ASTN1: variants seen among roughly 807,000 people sequenced by gnomAD.
ASTN1 encodes astrotactin-1.
In ASTN1, 41 loss-of-function variants were observed where a neutral mutation model predicts 140.7. The ratio of observed to expected loss-of-function variants is 0.29; its 90% CI spans 0.23 to 0.38. The LOEUF (loss-of-function observed/expected upper bound fraction) is 0.38, where lower values mean the gene tolerates loss of function less well. ASTN1 is among the 10% of genes least tolerant of loss of function. The pLI is 1.00. For synonymous variants in ASTN1, 640 were observed against 652.2 expected, an observed-to-expected ratio of 0.98 and a Z score of 0.29; for missense variants, 1,479 against 1,678.8, an observed-to-expected ratio of 0.88 and a Z score of 2.08.
At position 176,862,604 on chromosome 1, in the gene ASTN1, A is replaced by C; in HGVS notation, c.*1680T>G. On this transcript the variant is annotated 3_prime_UTR_variant, in exon 23 of 23. Coordinates refer to ENST00000361833, the MANE Select transcript of ASTN1 (RefSeq NM_004319.3). Reference sequence around the variant, plus strand: ...GTAGCTAAGATCCTGTGCCCTGGAGACCAACAGCCTGAAATCACACTGAAA... The same window carrying C: ...GTAGCTAAGATCCTGTGCCCTGGAGCCCAACAGCCTGAAATCACACTGAAA... The C allele has an allele frequency of 1.0e-6, 1 of 981,680 alleles. No individual in the cohort carries two copies. The highest frequency in any genetic ancestry group is 1.2e-6 in the Non-Finnish European group (1 of 826,590). 60.8% of individuals were successfully genotyped at this position (981,680 alleles called of 1,614,324 possible). A position where few individuals can be genotyped will look rare whatever the true frequency, so the allele number is the denominator to read the frequency against.
At chr1:176,886,876 T>C (rs1669051312) in intron 18 of ASTN1, among the ~76,000 whole-genome samples, 1 of 152,214 alleles carries the variant, frequency 6.6e-6, no homozygotes, top group Admixed American at 6.5e-5. Context: ...CTCTTCCAGC[T>C]TGTCATGCCA....
At chr1:176,887,207 C>A (rs1362889650) in intron 18 of ASTN1, among the ~76,000 whole-genome samples, 1 of 152,170 alleles carries the variant, frequency 6.6e-6, no homozygotes, top group Non-Finnish European at 1.5e-5. Flanking sequence ...GAAATCTCAT[C>A]TCTAGTATTT....
chr1:177,106,919 G>A (rs1179233552), intron 1 of ASTN1, among the ~76,000 whole-genome samples: 3 of 152,178 alleles, frequency 2.0e-5, no homozygotes, highest in African/African-American at 4.8e-5. Context: ...TTGAGGCTTG[G>A]AGAAGCACAT....
rs776019572 is a variant in ASTN1, at chr1:177,027,670, C to T, written c.1120+1964G>A. ...TGTGCCATTTTCCTTTACTGAAATG[C>T]CCTTATCCTAGACTTCTTCTCCTCT... On this transcript the variant is annotated intron_variant, in intron 5 of 22. Transcript: ENST00000361833. 2.2e-3 allele frequency among the ~76,000 whole-genome samples: 323 copies of T among 149,610 alleles called. 1 individual carries two copies. Among genetic ancestry groups the T allele is most frequent in the Non-Finnish European group, 2.5e-3 (170 of 67,662 alleles).
In ASTN1 at chr1:176,863,813, G is replaced by A; in HGVS notation, c.*471C>T. 1.0e-6 allele frequency: 1 copy of A among 993,096 alleles called. No homozygotes were observed. Among genetic ancestry groups the A allele is most frequent in the Non-Finnish European group, 1.2e-6 (1 of 834,012 alleles). 61.5% of individuals were successfully genotyped at this position (993,096 alleles called of 1,614,324 possible). A position where few individuals can be genotyped will look rare whatever the true frequency, so the allele number is the denominator to read the frequency against. On this transcript the variant is annotated 3_prime_UTR_variant, in exon 23 of 23. Coordinates refer to ENST00000361833, the MANE Select transcript of ASTN1 (RefSeq NM_004319.3). ...TGAGCAGGGCCAAGGCTCCCAGAGT[G>A]AGACGCTTCCTGAGGAATGCTTGAG...
chr1:176,924,812 C>A (rs1031435608), intron 16 of ASTN1, among the ~76,000 whole-genome samples: 6 of 152,146 alleles, frequency 3.9e-5, no homozygotes, highest in Admixed American at 3.3e-4. Context: ...ATGAAAGGAG[C>A]TTTCATCAGC....
intron 8 of ASTN1, among the ~76,000 whole-genome samples, chr1:177,013,417 G>C (rs1675390103): frequency 6.6e-6 from 1 of 152,160 alleles, no homozygotes; most frequent in Non-Finnish European, 1.5e-5. Context: ...TTAGTCATCA[G>C]CTGGCTAAGT....
intron 1 of ASTN1, among the ~76,000 whole-genome samples, chr1:177,153,640 G>A (rs376267597): frequency 1.5e-3 from 221 of 152,232 alleles, no homozygotes; most frequent in African/African-American, 5.0e-3. Flanking sequence ...GACCTTTCCA[G>A]TGAAGACATA....
intron 1 of ASTN1, among the ~76,000 whole-genome samples, chr1:177,117,626 T>C (rs548279496): frequency 6.6e-6 from 1 of 152,258 alleles, no homozygotes; most frequent in Admixed American, 6.5e-5. Context: ...CACCCCCTAA[T>C]AAAGTTCAAA....
chr1:177,155,723 G>A (rs1683207638), intron 1 of ASTN1, among the ~76,000 whole-genome samples: 1 of 152,150 alleles, frequency 6.6e-6, no homozygotes. Context: ...AATTAGATGA[G>A]AGCTAATGTT....
chr1:176,914,500 T>A (rs989749500), intron 16 of ASTN1, among the ~76,000 whole-genome samples: 1 of 152,144 alleles, frequency 6.6e-6, no homozygotes. Context: ...TTTAACTGGA[T>A]AAAGAATAAG....
At chr1:177,158,484 T>C (rs139797999) in intron 1 of ASTN1, among the ~76,000 whole-genome samples, 4 of 152,302 alleles carry the variant, frequency 2.6e-5, no homozygotes, top group African/African-American at 9.6e-5. Flanking sequence ...AACAGAGCTC[T>C]TTTTGCCATC....
At chr1:177,073,496 C>A (rs1350697572) in intron 1 of ASTN1, among the ~76,000 whole-genome samples, 2 of 150,476 alleles carry the variant, frequency 1.3e-5, no homozygotes, top group Non-Finnish European at 3.0e-5. Flanking sequence ...ATGTGATAAG[C>A]CTGGATCACA....
rs1668069214 is a variant in ASTN1 at position 176,864,512 on chromosome 1, A to C, written c.3657T>G (p.Gly1219=). The change falls in exon 23 of 23, where the codon GGT becomes GGG. Residue 1219 remains glycine (G), a synonymous_variant. Transcript: ENST00000361833. ...CEDELGPRKA[G]LILSQLGDLS... Reference sequence around the variant, plus strand: ...GGTCCCCAAGCTGGGAAAGGATGAGACCAGCTTTCCTATGGATCAAGCACA... The same window carrying C: ...GGTCCCCAAGCTGGGAAAGGATGAGCCCAGCTTTCCTATGGATCAAGCACA... 1 of 1,613,966 alleles carries C rather than the reference A, an allele frequency of 6.2e-7. No individual in the cohort carries two copies. Among genetic ancestry groups the C allele is most frequent in the Admixed American group, 1.7e-5 (1 of 59,996 alleles).
At chr1:177,024,559 G>A (rs1338181214) in intron 6 of ASTN1, 24 bp downstream of exon 6, 16 of 1,608,582 alleles carry the variant, frequency 9.9e-6, no homozygotes, top group East Asian at 6.7e-5. Flanking sequence ...GGGCAAGGTC[G>A]CATCCTCAGA....
chr1:177,081,672 C>G (rs1014105676), intron 1 of ASTN1, among the ~76,000 whole-genome samples: 6 of 152,056 alleles, frequency 3.9e-5, no homozygotes, highest in Non-Finnish European at 8.8e-5. Context: ...CTGAAGACAC[C>G]AAGATGGCTC....
chr1:176,965,076 A>T, intron 9 of ASTN1, 87 bp downstream of exon 9: 1 of 1,297,830 alleles, frequency 7.7e-7, no homozygotes. Flanking sequence ...CCTATTTTAT[A>T]CTTTACCAAC....
intron 3 of ASTN1, among the ~76,000 whole-genome samples, chr1:177,032,048 C>T (rs938612520): frequency 1.3e-5 from 2 of 152,172 alleles, no homozygotes; most frequent in African/African-American, 4.8e-5. Context: ...AAGCAGATAC[C>T]ACTGTCCCCT....
At chr1:176,897,729 G>A (rs192394993) in intron 16 of ASTN1, among the ~76,000 whole-genome samples, 244 of 152,228 alleles carry the variant, frequency 1.6e-3, no homozygotes, top group African/African-American at 5.7e-3. Context: ...TTACCCGACA[G>A]AGAAAAATAT....
Sources: allele counts gnomAD v4.1 joint callset (sites outside exome capture counted in the v4.1 genomes callset), GRCh38; gene constraint gnomAD v4.1.1; transcripts MANE v1.5; gene names NCBI Gene and HGNC (gene_info 2026-07-23, HGNC 2026-07-21).